The following EPHB1 variants were observed in gnomAD, a reference collection of about 807,000 sequenced individuals.
EPHB1 encodes the protein ephrin type-B receptor 1.
Under a neutral mutation model 94.4 loss-of-function variants are expected in EPHB1, and 30 were observed. The ratio of observed to expected loss-of-function variants is 0.32; its 90% CI spans 0.24 to 0.43. The LOEUF (loss-of-function observed/expected upper bound fraction) is 0.43. Ranked by LOEUF, EPHB1 falls within the 20% of genes least tolerant of loss-of-function variation. The pLI is 1.00. For synonymous variants in EPHB1, 522 were observed against 489.1 expected (o/e 1.07, Z -0.89); for missense variants, 1,055 against 1,308.3 (o/e 0.81, Z 2.99).
chr3:134,938,706 T>C (rs1175783305), intron 2 of EPHB1, among the ~76,000 whole-genome samples: 1 of 152,214 alleles, frequency 6.6e-6, no homozygotes, highest in Non-Finnish European at 1.5e-5. Flanking sequence ...TAGCTATTCA[T>C]GATAACTGGC....
chr3:134,906,654 A>G (rs1349878438), intron 1 of EPHB1, among the ~76,000 whole-genome samples: 2 of 152,244 alleles, frequency 1.3e-5, no homozygotes, highest in East Asian at 1.9e-4. Context: ...AGTAGTTGCA[A>G]CAGAGATCTT....
Position 135,249,318 on chromosome 3 carries a change from C to A in EPHB1, c.2691-18C>A. The A allele has an allele frequency of 6.2e-7, 1 of 1,602,886 alleles. No individual in the cohort carries two copies. On this transcript the variant is annotated intron_variant, in intron 14 of 15. Coordinates refer to ENST00000398015, the MANE Select transcript of EPHB1 (RefSeq NM_004441.5). ...ATCTCTGCAATGTGTGGTCACCTGC[C>A]CATCTCTGTCTCACCAGGCCTTCCC... is the stretch of plus-strand genomic sequence containing the variant.
intron 1 of EPHB1, among the ~76,000 whole-genome samples, chr3:134,832,528 C>T (rs1012800933): frequency 1.3e-5 from 2 of 152,196 alleles, no homozygotes; most frequent in Non-Finnish European, 2.9e-5. Context: ...GCTATGAGTT[C>T]CCCCTTACCC....
At chr3:134,989,822 A>G (rs1264134973) in intron 3 of EPHB1, among the ~76,000 whole-genome samples, 1 of 152,228 alleles carries the variant, frequency 6.6e-6, no homozygotes, top group Non-Finnish European at 1.5e-5. Flanking sequence ...AAATAATTTT[A>G]TAGAAACAAT....
chr3:135,213,905 C>T (rs1211392924), intron 12 of EPHB1, among the ~76,000 whole-genome samples: 1 of 152,196 alleles, frequency 6.6e-6, no homozygotes, highest in Non-Finnish European at 1.5e-5. Context: ...GCCTTCTGCA[C>T]AGCCGTGCTC....
chr3:134,992,527 G>C (rs895771530), intron 3 of EPHB1, among the ~76,000 whole-genome samples: 1 of 152,198 alleles, frequency 6.6e-6, no homozygotes, highest in African/African-American at 2.4e-5. Flanking sequence ...CATCTGCTAC[G>C]TGTCAGGCCC....
chr3:134,903,886 C>T (rs1016980528), intron 1 of EPHB1, among the ~76,000 whole-genome samples: 4 of 152,156 alleles, frequency 2.6e-5, no homozygotes, highest in African/African-American at 7.2e-5. Context: ...GTGACCCCAC[C>T]GCAGCCAGAT....
chr3:135,147,909 A>G (rs1463952144), intron 5 of EPHB1, among the ~76,000 whole-genome samples: 1 of 152,168 alleles, frequency 6.6e-6, no homozygotes, highest in Non-Finnish European at 1.5e-5. Flanking sequence ...CCTTTTAGAT[A>G]AGATTTGCTG....
At chr3:134,810,846 A>C (rs953510018) in intron 1 of EPHB1, among the ~76,000 whole-genome samples, 2 of 152,082 alleles carry the variant, frequency 1.3e-5, no homozygotes, top group African/African-American at 2.4e-5. Context: ...GTGCAGTCCT[A>C]GTTGCAGCCA....
In EPHB1 at chr3:135,101,165, C is replaced by CGGCG. The variant is rs1326910257; in HGVS notation, c.806-5281_806-5278dup. Among the ~76,000 whole-genome samples, 3 of 152,272 alleles carry CGGCG rather than the reference C, an allele frequency of 2.0e-5. No individual in the cohort carries two copies. The East Asian group carries it at 5.8e-4, about 29-fold the overall frequency. ...TTAATGCGAATACACAGCAAGGTGT[C>CGGCG]GGCGGCTCTTCTCTTTCTACCCACC... On this transcript the variant is annotated intron_variant, in intron 3 of 15. Coordinates refer to ENST00000398015, the MANE Select transcript of EPHB1 (RefSeq NM_004441.5).
chr3:135,175,771 T>A (rs1345095901), intron 9 of EPHB1, among the ~76,000 whole-genome samples: 5 of 152,226 alleles, frequency 3.3e-5, no homozygotes, highest in African/African-American at 1.2e-4. Flanking sequence ...TCTGATATTA[T>A]TATTACTGCC....
chr3:134,901,738 G>A (rs1417797026), intron 1 of EPHB1, among the ~76,000 whole-genome samples: 2 of 152,248 alleles, frequency 1.3e-5, no homozygotes, highest in Admixed American at 6.5e-5. Context: ...GTGGAACTGA[G>A]GGCAATTCTG....
At position 135,090,839 on chromosome 3, in the gene EPHB1, A is replaced by G. The variant is rs554642800; in HGVS notation, c.806-15609A>G. ...TCTGCCATTAAAAGAAGTAAAAATTATTTCTTTTGCTTACTTGTCCCACTT... is the reference window on the plus strand; with the variant it reads ...TCTGCCATTAAAAGAAGTAAAAATTGTTTCTTTTGCTTACTTGTCCCACTT... On this transcript the variant is annotated intron_variant, in intron 3 of 15. Transcript: ENST00000398015. 3.3e-4 allele frequency among the ~76,000 whole-genome samples: 51 copies of G among 152,302 alleles called. 1 individual carries two copies. The Middle Eastern group carries it at 0.01, about 30-fold the overall frequency.
In EPHB1 at chr3:135,068,672, T is replaced by G. The variant is rs549972738; in HGVS notation, c.806-37776T>G. Reference sequence around the variant, plus strand: ...ATTTTTTTTTTTTTGTTTTTGAGACTGAGTCTTGCTCTGTCACCCAGGTTG... The same window carrying G: ...ATTTTTTTTTTTTTGTTTTTGAGACGGAGTCTTGCTCTGTCACCCAGGTTG... On this transcript the variant is annotated intron_variant, in intron 3 of 15. Transcript: ENST00000398015. Among the ~76,000 whole-genome samples the G allele has an allele frequency of 2.7e-5, 4 of 150,724 alleles. No homozygotes were observed. The South Asian group carries it at 8.6e-4, about 32-fold the overall frequency.
At chr3:134,941,587 T>G (rs1255259462) in intron 2 of EPHB1, among the ~76,000 whole-genome samples, 1 of 152,238 alleles carries the variant, frequency 6.6e-6, no homozygotes, top group Non-Finnish European at 1.5e-5. Context: ...GTTTCTGAAA[T>G]TCAAATCCAC....
rs1942763645 is a variant in EPHB1, at chr3:135,201,740, G to C, written c.2346+51G>C. ...TAGAAGCATGGCATGAGTTAAAGGGGACTCTACATGGCTGGGAACTGTGAC... is the reference window on the plus strand; with the variant it reads ...TAGAAGCATGGCATGAGTTAAAGGGCACTCTACATGGCTGGGAACTGTGAC... On this transcript the variant is annotated intron_variant, in intron 12 of 15. Transcript: ENST00000398015. 8 of 1,554,148 alleles carry C rather than the reference G, an allele frequency of 5.1e-6. No individual in the cohort carries two copies. In the Admixed American group the frequency reaches 1.2e-4, roughly 23 times the overall value.
At chr3:134,975,930 T>C (rs1199385606) in intron 3 of EPHB1, among the ~76,000 whole-genome samples, 2 of 151,556 alleles carry the variant, frequency 1.3e-5, no homozygotes, top group East Asian at 3.9e-4. Context: ...GATGAGGATA[T>C]AGGATGAAAG....
At chr3:135,003,684 T>C (rs1225031796) in intron 3 of EPHB1, among the ~76,000 whole-genome samples, 2 of 152,192 alleles carry the variant, frequency 1.3e-5, no homozygotes, top group Non-Finnish European at 2.9e-5. Context: ...TAGCTCTTCT[T>C]GCTGAATTGA....
At position 135,183,883 on chromosome 3, in the gene EPHB1, G is replaced by A. The variant is rs556883127; in HGVS notation, c.1882+3901G>A. Among the ~76,000 whole-genome samples, 9 of 152,330 alleles carry A rather than the reference G, an allele frequency of 5.9e-5. No homozygotes were observed. The South Asian group carries it at 1.9e-3, about 32-fold the overall frequency. ...ATGAATTTTATCCCATAGAAAATAGGTTTCATAGCAGGGTGGGTGAAAGGA... is the reference window on the plus strand; with the variant it reads ...ATGAATTTTATCCCATAGAAAATAGATTTCATAGCAGGGTGGGTGAAAGGA... On this transcript the variant is annotated intron_variant, in intron 10 of 15. Transcript: ENST00000398015.
Sources: allele counts gnomAD v4.1 joint callset (sites outside exome capture counted in the v4.1 genomes callset), GRCh38; gene constraint gnomAD v4.1.1; transcripts MANE v1.5; gene names NCBI Gene and HGNC (gene_info 2026-07-23, HGNC 2026-07-21).